The following FOXP1 variants were observed in gnomAD, a reference collection of about 807,000 sequenced individuals.
FOXP1 encodes the protein forkhead box protein P1.
In FOXP1, 15 loss-of-function variants were observed where a neutral mutation model predicts 98.2. The ratio of observed to expected loss-of-function variants is 0.15; its 90% CI spans 0.10 to 0.24. The LOEUF (loss-of-function observed/expected upper bound fraction) is 0.24. Ranked by LOEUF, FOXP1 falls within the 10% of genes least tolerant of loss-of-function variation. The pLI is 1.00. For synonymous variants in FOXP1, 371 were observed against 314.5 expected (o/e 1.18, Z -1.90); for missense variants, 633 against 848.5 (o/e 0.75, Z 3.15).
intron 11 of FOXP1, among the ~76,000 whole-genome samples, chr3:71,021,171 T>C (rs566831279): frequency 6.6e-6 from 1 of 152,260 alleles, no homozygotes; most frequent in South Asian, 2.1e-4. Flanking sequence ...TCAAAAGAAA[T>C]CCTGTACCCA....
intron 7 of FOXP1, among the ~76,000 whole-genome samples, chr3:71,095,561 A>C (rs1429086341): frequency 1.3e-5 from 2 of 152,144 alleles, no homozygotes; most frequent in African/African-American, 4.8e-5. Flanking sequence ...TGAGCAAAGA[A>C]GGTATTTGTT....
chr3:71,090,503 G>A (rs59837451), intron 7 of FOXP1, among the ~76,000 whole-genome samples: 1 of 152,158 alleles, frequency 6.6e-6, no homozygotes, highest in South Asian at 2.1e-4. Context: ...ACTCTAACTA[G>A]AAGGCTTGAT....
chr3:71,194,258 T>A (rs1455516164), intron 6 of FOXP1, among the ~76,000 whole-genome samples: 3 of 113,384 alleles, frequency 2.6e-5, no homozygotes, highest in African/African-American at 1.4e-4. Context: ...TGCCAGGTGG[T>A]ACCAAAAAAA....
intron 5 of FOXP1, among the ~76,000 whole-genome samples, chr3:71,214,835 G>A (rs1210018373): frequency 3.3e-5 from 5 of 152,184 alleles, no homozygotes; most frequent in Non-Finnish European, 7.3e-5. Flanking sequence ...GACCCCTGTG[G>A]CACCTTCCAG....
intron 3 of FOXP1, among the ~76,000 whole-genome samples, chr3:71,477,494 T>C (rs945208700): frequency 3.3e-5 from 5 of 152,352 alleles, no homozygotes; most frequent in Non-Finnish European, 5.9e-5. Context: ...CTATTATTTA[T>C]AGCAAAAAGT....
chr3:70,974,354 G>A (rs373236009), intron 17 of FOXP1, among the ~76,000 whole-genome samples: 2 of 152,110 alleles, frequency 1.3e-5, no homozygotes, highest in East Asian at 3.9e-4. Context: ...CTGCAGTGCA[G>A]TGGTTCAATT....
At position 70,978,648 on chromosome 3, in the gene FOXP1, G is replaced by A. The variant is rs138087599; in HGVS notation, c.1147-619C>T. ...TCCCTCATGCAGCTTCGTGGATGAC[G>A]AGAACTCCTGCAAATATGTGTGGCC... On this transcript the variant is annotated intron_variant, in intron 14 of 20. Coordinates refer to ENST00000649528, the MANE Select transcript of FOXP1 (RefSeq NM_001349338.3). 3.0e-4 allele frequency among the ~76,000 whole-genome samples: 45 copies of A among 152,316 alleles called. No homozygotes were observed. In the East Asian group the frequency reaches 8.1e-3, roughly 27 times the overall value.
At chr3:71,280,033 G>C (rs1439420965) in intron 5 of FOXP1, among the ~76,000 whole-genome samples, 6 of 149,844 alleles carry the variant, frequency 4.0e-5, no homozygotes, top group Non-Finnish European at 7.4e-5. Context: ...TGAGGCAGGA[G>C]AATGGCGTGA....
At chr3:71,137,286 T>C (rs866179935) in intron 6 of FOXP1, among the ~76,000 whole-genome samples, 1 of 152,168 alleles carries the variant, frequency 6.6e-6, no homozygotes, top group Non-Finnish European at 1.5e-5. Context: ...CTCTTCTCCA[T>C]ATCCCTTTAT....
In FOXP1 at chr3:71,397,000, ATATATGTG is replaced by A. The variant is rs1366888711; in HGVS notation, c.-167-37764_-167-37757del. Among the ~76,000 whole-genome samples, 13 of 73,596 alleles carry A rather than the reference ATATATGTG, an allele frequency of 1.8e-4. 1 individual carries two copies. Among genetic ancestry groups the A allele is most frequent in the African/African-American group, 6.2e-4 (10 of 16,016 alleles). 48.3% of individuals were successfully genotyped at this position (73,596 alleles called of 152,430 possible). ...TATATATGTGTATATATATACACAT[ATATATGTG>A]TATATATATATATATACATATATAT... On this transcript the variant is annotated intron_variant, in intron 3 of 20. Transcript: ENST00000649528.
At chr3:71,560,338 C>A (rs1221286993) in intron 2 of FOXP1, among the ~76,000 whole-genome samples, 1 of 152,200 alleles carries the variant, frequency 6.6e-6, no homozygotes, top group African/African-American at 2.4e-5. Flanking sequence ...CTGGCTCACA[C>A]AACCAGGTAT....
At chr3:71,038,691 T>C (rs942920393) in intron 11 of FOXP1, among the ~76,000 whole-genome samples, 89 of 151,622 alleles carry the variant, frequency 5.9e-4, no homozygotes, top group African/African-American at 2.0e-3. Flanking sequence ...AGAGACAGGA[T>C]CTTGCTTTGT....
chr3:71,248,224 T>C (rs1330297713), intron 5 of FOXP1, among the ~76,000 whole-genome samples: 2 of 152,196 alleles, frequency 1.3e-5, no homozygotes, highest in Non-Finnish European at 2.9e-5. Flanking sequence ...TACTCTACAA[T>C]ATATGTTAGC....
At chr3:71,197,955 AGCAACTGC>A in intron 6 of FOXP1, 1 of 1,614,200 alleles carries the variant, frequency 6.2e-7, no homozygotes, top group Non-Finnish European at 8.5e-7. Flanking sequence ...TCTTCGTCTC[AGCAACTGC>A]TCCCCACAAG....
chr3:71,372,017 CTTT>C (rs552340574), intron 3 of FOXP1, among the ~76,000 whole-genome samples: 2 of 144,674 alleles, frequency 1.4e-5, no homozygotes, highest in African/African-American at 2.5e-5. Flanking sequence ...TTCTTTCTTT[CTTT>C]TTTTTTTTTT....
chr3:71,078,443 A>G (rs570935063), intron 7 of FOXP1, among the ~76,000 whole-genome samples: 42 of 152,212 alleles, frequency 2.8e-4, no homozygotes, highest in Non-Finnish European at 5.4e-4. Flanking sequence ...AGCTGGGTAC[A>G]AACCATGATT....
intron 7 of FOXP1, among the ~76,000 whole-genome samples, chr3:71,058,892 TA>T (rs776471899): frequency 0.035 from 4,831 of 139,406 alleles, 135 homozygotes; most frequent in African/African-American, 0.082. Flanking sequence ...CTTAAAAAAA[TA>T]AAAAAAAAAA....
At chr3:71,379,975 C>G (rs2080017654) in intron 3 of FOXP1, among the ~76,000 whole-genome samples, 1 of 152,100 alleles carries the variant, frequency 6.6e-6, no homozygotes, top group African/African-American at 2.4e-5. Context: ...TATATTCTAA[C>G]AAGTGAGGGG....
intron 6 of FOXP1, chr3:71,197,905 C>A (rs748954494): frequency 1.1e-5 from 17 of 1,613,940 alleles, no homozygotes; most frequent in Non-Finnish European, 1.4e-5. Context: ...TAATTTTATT[C>A]AAAATGGGGA....
Sources: gnomAD v4.1 joint callset for allele counts (sites outside exome capture counted in the v4.1 genomes callset) on GRCh38, gnomAD v4.1.1 for gene constraint, MANE v1.5 for transcripts, NCBI Gene and HGNC (gene_info 2026-07-23, HGNC 2026-07-21) for gene names.